GPC5: variants seen among roughly 807,000 people sequenced by gnomAD.
GPC5 encodes glypican 5.
A neutral mutation model predicts 53.9 loss-of-function variants in GPC5; 47 were observed. That is an observed-to-expected ratio of 0.87 (90% confidence interval 0.69 to 1.11). The LOEUF (loss-of-function observed/expected upper bound fraction) is 1.11, where lower values mean the gene tolerates loss of function less well. Among genes scored for constraint, GPC5 ranks in the 50% most tolerant of loss-of-function variants. The pLI, the probability that GPC5 is intolerant of heterozygous loss-of-function variation, is 0.00. For synonymous variants in GPC5, 286 were observed against 263.3 expected (o/e 1.09, Z -0.84); for missense variants, 748 against 713.1 (o/e 1.05, Z -0.56).
chr13:92,547,875 G>T, intron 7 of GPC5, among the ~76,000 whole-genome samples: 1 of 134,148 alleles, frequency 7.5e-6, no homozygotes, highest in African/African-American at 3.0e-5. Flanking sequence ...TGTCTCCCAG[G>T]CTGGAGTGCA....
intron 2 of GPC5, among the ~76,000 whole-genome samples, chr13:91,489,913 G>A (rs1402746084): frequency 6.6e-6 from 1 of 152,100 alleles, no homozygotes; most frequent in Non-Finnish European, 1.5e-5. Context: ...TCACTCTTAA[G>A]CATCTTTGGA....
rs1047166696 is a variant in GPC5 at position 91,426,612 on chromosome 13, A to G, written c.164-22149A>G. 2.0e-5 allele frequency among the ~76,000 whole-genome samples: 3 copies of G among 152,292 alleles called. No individual in the cohort carries two copies. The South Asian group carries it at 6.2e-4, about 32-fold the overall frequency. On this transcript the variant is annotated intron_variant, in intron 1 of 7. Transcript: ENST00000377067. ...AGCAAATCACTGGTGTAGGTTCAAG[A>G]GTCCAAAAGCTGAATAGCTTGGAGT...
intron 7 of GPC5, among the ~76,000 whole-genome samples, chr13:92,531,756 G>A (rs765153025): frequency 3.9e-5 from 6 of 152,124 alleles, no homozygotes; most frequent in South Asian, 2.1e-4. Context: ...CACTGTCAGC[G>A]ATCAGGGCCG....
intron 3 of GPC5, among the ~76,000 whole-genome samples, chr13:91,714,513 TAAATG>T (rs1275715449): frequency 6.6e-6 from 1 of 152,218 alleles, no homozygotes; most frequent in East Asian, 1.9e-4. Context: ...CCTATTTTTG[TAAATG>T]ATTCCATTTT....
At position 91,407,347 on chromosome 13, in the gene GPC5, C is replaced by T. The variant is rs530901102; in HGVS notation, c.163+8138C>T. On this transcript the variant is annotated intron_variant, in intron 1 of 7. Transcript: ENST00000377067. ...TTTTGAAATGGAGTAAATGAGTTGCCAGACAAAGGTTTAGAAAGGAGTATT... is the reference window on the plus strand; with the variant it reads ...TTTTGAAATGGAGTAAATGAGTTGCTAGACAAAGGTTTAGAAAGGAGTATT... Among the ~76,000 whole-genome samples the T allele has an allele frequency of 1.4e-3, 215 of 152,168 alleles. 1 individual carries two copies. The highest frequency in any genetic ancestry group is 4.9e-3 in the African/African-American group (202 of 41,508).
chr13:91,919,840 G>A (rs183028306), intron 6 of GPC5, among the ~76,000 whole-genome samples: 3 of 152,220 alleles, frequency 2.0e-5, no homozygotes, highest in Admixed American at 1.3e-4. Flanking sequence ...TTCACATACC[G>A]GCCTGCCTAT....
intron 6 of GPC5, among the ~76,000 whole-genome samples, chr13:91,953,771 A>G (rs74436202): frequency 6.6e-6 from 1 of 152,204 alleles, no homozygotes; most frequent in Non-Finnish European, 1.5e-5. Context: ...GTGCCTTCTC[A>G]TGGCCAAAGG....
intron 7 of GPC5, among the ~76,000 whole-genome samples, chr13:92,524,696 A>G (rs920856044): frequency 6.6e-6 from 1 of 152,096 alleles, no homozygotes; most frequent in Non-Finnish European, 1.5e-5. Flanking sequence ...AGAAAGTTGT[A>G]TATTGATTAT....
chr13:91,507,348 A>C (rs1884997845), intron 2 of GPC5, among the ~76,000 whole-genome samples: 1 of 152,198 alleles, frequency 6.6e-6, no homozygotes, highest in Non-Finnish European at 1.5e-5. Context: ...GACATACCCG[A>C]GACTGGGTAA....
chr13:92,590,923 T>A (rs1883692617), intron 7 of GPC5, among the ~76,000 whole-genome samples: 1 of 152,206 alleles, frequency 6.6e-6, no homozygotes, highest in African/African-American at 2.4e-5. Flanking sequence ...TCTAGGCATG[T>A]GCCCTGGCCC....
chr13:92,685,455 A>T (rs1469964372), intron 7 of GPC5, among the ~76,000 whole-genome samples: 6 of 151,340 alleles, frequency 4.0e-5, no homozygotes, highest in Non-Finnish European at 7.4e-5. Context: ...TTCCACATAT[A>T]TTTGTAATAA....
At chr13:91,585,050 A>G (rs1288434541) in intron 2 of GPC5, among the ~76,000 whole-genome samples, 1 of 152,244 alleles carries the variant, frequency 6.6e-6, no homozygotes, top group Non-Finnish European at 1.5e-5. Context: ...TTGAACAGGC[A>G]TTCTACAAAA....
chr13:91,771,776 AATC>A (rs1173560820), intron 5 of GPC5, among the ~76,000 whole-genome samples: 1 of 152,240 alleles, frequency 6.6e-6, no homozygotes, highest in Non-Finnish European at 1.5e-5. Flanking sequence ...GTTATAATAG[AATC>A]ATCATATATT....
At chr13:92,472,958 C>T (rs1339311247) in intron 7 of GPC5, among the ~76,000 whole-genome samples, 2 of 151,974 alleles carry the variant, frequency 1.3e-5, no homozygotes, top group Non-Finnish European at 2.9e-5. Flanking sequence ...GCTTTTGATA[C>T]CTAGATAATT....
intron 7 of GPC5, among the ~76,000 whole-genome samples, chr13:92,677,365 T>C (rs1359166442): frequency 2.0e-5 from 3 of 152,128 alleles, no homozygotes; most frequent in African/African-American, 7.2e-5. Context: ...TAATGCCAAG[T>C]TGAGGCAGCA....
At chr13:92,031,741 TATA>T (rs1363595962) in intron 6 of GPC5, among the ~76,000 whole-genome samples, 2 of 35,154 alleles carry the variant, frequency 5.7e-5, no homozygotes, top group African/African-American at 1.2e-4. Context: ...ACATATTATA[TATA>T]ATATATATTA....
At chr13:91,417,074 G>A (rs562211202) in intron 1 of GPC5, among the ~76,000 whole-genome samples, 2 of 152,218 alleles carry the variant, frequency 1.3e-5, no homozygotes, top group African/African-American at 4.8e-5. Flanking sequence ...GAGCAGAGGG[G>A]GGGAGTATTT....
intron 5 of GPC5, among the ~76,000 whole-genome samples, chr13:91,775,862 G>A (rs2037703506): frequency 6.6e-6 from 1 of 152,148 alleles, no homozygotes; most frequent in Admixed American, 6.6e-5. Flanking sequence ...AAGTGAAACT[G>A]AGAGCTTAGG....
chr13:91,840,164 T>TAAA (rs2038768762), intron 5 of GPC5, among the ~76,000 whole-genome samples: 1 of 151,684 alleles, frequency 6.6e-6, no homozygotes. Flanking sequence ...AAAAAAAAAT[T>TAAA]TTCTACTTTT....
Sources: allele counts gnomAD v4.1 joint callset (sites outside exome capture counted in the v4.1 genomes callset), GRCh38; gene constraint gnomAD v4.1.1; transcripts MANE v1.5; gene names NCBI Gene and HGNC (gene_info 2026-07-23, HGNC 2026-07-21).